CLOCK: variants seen among roughly 807,000 people sequenced by gnomAD.
CLOCK encodes the protein circadian locomoter output cycles protein kaput.
CLOCK carries 43 observed loss-of-function variants against 118.4 expected under a neutral mutation model. The observed-to-expected ratio is 0.36, with a 90% CI of 0.28 to 0.47. The LOEUF (loss-of-function observed/expected upper bound fraction) is 0.47. Among genes scored for constraint, CLOCK ranks in the 20% least tolerant of loss-of-function variants. The pLI is 1.00. For synonymous variants in CLOCK, 326 were observed against 339.2 expected (o/e 0.96, Z 0.43); for missense variants, 846 against 999.9 (o/e 0.85, Z 2.08).
intron 3 of CLOCK, among the ~76,000 whole-genome samples, chr4:55,484,031 G>T (rs1465465012): frequency 6.6e-6 from 1 of 152,082 alleles, no homozygotes; most frequent in African/African-American, 2.4e-5. Context: ...CTAAACCAGA[G>T]AAGATTAAAG....
chr4:55,477,973 CATT>C (rs1726637277), intron 6 of CLOCK, among the ~76,000 whole-genome samples: 1 of 152,014 alleles, frequency 6.6e-6, no homozygotes, highest in African/African-American at 2.4e-5. Context: ...AAGGTAATGT[CATT>C]AGTGAAATTA....
At chr4:55,463,584 T>C in intron 9 of CLOCK, 101 bp downstream of exon 9, 3 of 1,144,922 alleles carry the variant, frequency 2.6e-6, no homozygotes, top group Non-Finnish European at 3.9e-6. Context: ...GCATATGGAG[T>C]AATGCTGTAT....
Position 55,470,796 on chromosome 4 carries a change from C to A in CLOCK, c.359G>T (p.Gly120Val), listed in dbSNP as rs767225278. The change falls in exon 8 of 23, where the codon GGT becomes GTT. Residue 120 changes from glycine to valine, a missense_variant. Around this residue, in one of 4 missense-constraint regions of CLOCK, gnomAD observed 246 missense variants for 300.2 expected, o/e 0.82. Coordinates refer to ENST00000513440, the MANE Select transcript of CLOCK (RefSeq NM_004898.4). ...ATCTGTCATGATTGCTAAAAAAAAA[C>A]CATCAAGAGCCTGAAATTAAACATA... ...FTQLMLEALD[G>V]FFLAIMTDGS... The A allele has an allele frequency of 6.9e-6, 11 of 1,601,936 alleles. No homozygotes were observed. Among genetic ancestry groups the A allele is most frequent in the Non-Finnish European group, 9.4e-6 (11 of 1,170,812 alleles).
chr4:55,448,953 T>A, intron 17 of CLOCK, 85 bp from the exon 18 acceptor site: 1 of 1,083,300 alleles, frequency 9.2e-7, no homozygotes, highest in Non-Finnish European at 1.4e-6. Context: ...ATGATATTCG[T>A]ATTAATAAAC....
At chr4:55,508,594 A>ATTTTTTT (rs11133393) in intron 2 of CLOCK, among the ~76,000 whole-genome samples, 1 of 146,724 alleles carries the variant, frequency 6.8e-6, no homozygotes, top group Non-Finnish European at 1.5e-5. Flanking sequence ...ACACGGGTAA[A>ATTTTTTT]TTTTTTTTTT....
intron 8 of CLOCK, among the ~76,000 whole-genome samples, chr4:55,464,072 C>T (rs982123230): frequency 5.9e-5 from 9 of 152,110 alleles, no homozygotes; most frequent in African/African-American, 1.7e-4. Flanking sequence ...CAAAATACAA[C>T]GGGACCAAGA....
chr4:55,545,496 T>C (rs563492617), intron 1 of CLOCK: 1 of 152,348 alleles, frequency 6.6e-6, no homozygotes, highest in East Asian at 1.9e-4. Flanking sequence ...TCAACGACTG[T>C]AAAAGTTTAC....
chr4:55,505,012 G>C (rs1728709038), intron 2 of CLOCK, among the ~76,000 whole-genome samples: 1 of 151,648 alleles, frequency 6.6e-6, no homozygotes, highest in Non-Finnish European at 1.5e-5. Context: ...GTGAAACCCT[G>C]TCTTTACTAA....
chr4:55,501,153 C>T (rs1341674039), intron 2 of CLOCK, among the ~76,000 whole-genome samples: 1 of 152,118 alleles, frequency 6.6e-6, no homozygotes, highest in Non-Finnish European at 1.5e-5. Context: ...CACATCTGAC[C>T]TCCAATGTTA....
intron 2 of CLOCK, among the ~76,000 whole-genome samples, chr4:55,496,728 T>C (rs1728109573): frequency 6.6e-6 from 1 of 152,200 alleles, no homozygotes; most frequent in South Asian, 2.1e-4. Flanking sequence ...TTTAGTCTTA[T>C]TTCTCCTTCC....
intron 13 of CLOCK, among the ~76,000 whole-genome samples, chr4:55,454,613 C>CAAAA (rs10566273): frequency 5.8e-5 from 4 of 69,486 alleles, no homozygotes; most frequent in African/African-American, 6.1e-5. Context: ...GACTCCATCC[C>CAAAA]AAAAAAAAAA....
At chr4:55,463,932 A>G in intron 8 of CLOCK, 127 bp from the exon 9 acceptor site, 1 of 920,240 alleles carries the variant, frequency 1.1e-6, no homozygotes, top group Non-Finnish European at 1.6e-6. Flanking sequence ...ACAAATGTCA[A>G]GTTATAGACC....
At chr4:55,505,237 C>A (rs1031713154) in intron 2 of CLOCK, among the ~76,000 whole-genome samples, 3 of 148,626 alleles carry the variant, frequency 2.0e-5, no homozygotes, top group East Asian at 4.0e-4. Context: ...CAAAAAAATT[C>A]TTTTCAATAA....
intron 1 of CLOCK, among the ~76,000 whole-genome samples, chr4:55,512,633 C>T (rs1010385838): frequency 6.6e-6 from 1 of 152,082 alleles, no homozygotes; most frequent in Non-Finnish European, 1.5e-5. Context: ...GATAAAAACT[C>T]GCTGCCAAAC....
Position 55,429,415 on chromosome 4 carries a change from C to T in CLOCK, c.*6000G>A, listed in dbSNP as rs1006553806. Reference sequence around the variant, plus strand: ...AATGCTTGTGAGCAAGAAGGATCCTCAAATGTCTAGGTTTCCAATATTCCA... The same window carrying T: ...AATGCTTGTGAGCAAGAAGGATCCTTAAATGTCTAGGTTTCCAATATTCCA... On this transcript the variant is annotated 3_prime_UTR_variant, in exon 23 of 23. Transcript: ENST00000513440. 6.6e-6 allele frequency: 1 copy of T among 152,100 alleles called. No individual in the cohort carries two copies. The highest frequency in any genetic ancestry group is 1.5e-5 in the Non-Finnish European group (1 of 68,030). The allele number at this position is 152,100 out of a possible 1,614,324, so 9.4% of individuals were successfully genotyped here.
intron 1 of CLOCK, among the ~76,000 whole-genome samples, chr4:55,533,098 T>A (rs1730662873): frequency 6.6e-6 from 1 of 152,194 alleles, no homozygotes; most frequent in South Asian, 2.1e-4. Flanking sequence ...CAATGACATT[T>A]TTTTTGCAGA....
intron 17 of CLOCK, among the ~76,000 whole-genome samples, chr4:55,449,183 A>C (rs934391398): frequency 2.0e-5 from 3 of 152,104 alleles, no homozygotes; most frequent in African/African-American, 4.8e-5. Context: ...AAAAAAAAAA[A>C]ACTAACATTT....
At chr4:55,537,869 T>C (rs546113137) in intron 1 of CLOCK, among the ~76,000 whole-genome samples, 6 of 152,098 alleles carry the variant, frequency 3.9e-5, no homozygotes, top group African/African-American at 1.4e-4. Flanking sequence ...AGGTCACAAA[T>C]CAATGACCTC....
chr4:55,449,907 G>T (rs1724268333), intron 16 of CLOCK, among the ~76,000 whole-genome samples, 184 bp downstream of exon 16: 1 of 152,130 alleles, frequency 6.6e-6, no homozygotes, highest in African/African-American at 2.4e-5. Flanking sequence ...TAGGCTACTT[G>T]AAGAACTTAA....
Sources: allele counts gnomAD v4.1 joint callset (sites outside exome capture counted in the v4.1 genomes callset), GRCh38; gene constraint gnomAD v4.1.1; regional missense constraint gnomAD v4.1.1; transcripts MANE v1.5; gene names NCBI Gene and HGNC (gene_info 2026-07-23, HGNC 2026-07-21).